The following PDE4D variants were observed in gnomAD, a reference collection of about 807,000 sequenced individuals.
PDE4D encodes the protein 3',5'-cyclic-AMP phosphodiesterase 4D.
In PDE4D, 24 loss-of-function variants were observed where a neutral mutation model predicts 87.4. The ratio of observed to expected loss-of-function variants is 0.27; its 90% CI spans 0.20 to 0.39. The LOEUF (loss-of-function observed/expected upper bound fraction) is 0.39. Among genes scored for constraint, PDE4D ranks in the 10% least tolerant of loss-of-function variants. The pLI is 1.00. For missense variants in PDE4D, 714 were observed against 1,041.0 expected, an observed-to-expected ratio of 0.69 and a Z score of 4.32; for synonymous variants, 384 against 383.2, an observed-to-expected ratio of 1.00 and a Z score of -0.02.
chr5:59,851,990 G>T (rs1262117777), intron 1 of PDE4D, among the ~76,000 whole-genome samples: 1 of 152,054 alleles, frequency 6.6e-6, no homozygotes, highest in Admixed American at 6.6e-5. Context: ...ATGTAAATGG[G>T]TGTTATCTTA....
chr5:59,614,711 G>C (rs887803994), intron 1 of PDE4D, among the ~76,000 whole-genome samples: 1 of 152,150 alleles, frequency 6.6e-6, no homozygotes, highest in Admixed American at 6.6e-5. Flanking sequence ...TTCCTTTAAT[G>C]GATGAAAAGT....
At chr5:60,406,019 T>C (rs761517914) in intron 1 of PDE4D, among the ~76,000 whole-genome samples, 1 of 121,092 alleles carries the variant, frequency 8.3e-6, no homozygotes, top group Non-Finnish European at 1.8e-5. Context: ...CATCTTGCAC[T>C]TTTTTTTTTC....
At chr5:60,049,367 A>T (rs897320118) in intron 2 of PDE4D, among the ~76,000 whole-genome samples, 1 of 152,200 alleles carries the variant, frequency 6.6e-6, no homozygotes, top group Non-Finnish European at 1.5e-5. Flanking sequence ...CTCTCAGCTC[A>T]TCAAAGTCAT....
At chr5:60,165,889 G>A (rs1203844091) in intron 2 of PDE4D, among the ~76,000 whole-genome samples, 2 of 151,750 alleles carry the variant, frequency 1.3e-5, no homozygotes, top group African/African-American at 4.8e-5. Context: ...TTATTTATGG[G>A]TAAGAACTTA....
chr5:59,917,476 A>G (rs1754194778), intron 3 of PDE4D, among the ~76,000 whole-genome samples: 1 of 152,238 alleles, frequency 6.6e-6, no homozygotes, highest in Admixed American at 6.5e-5. Flanking sequence ...TACAAGAGGT[A>G]GTGAAAGGCC....
chr5:59,532,620 T>A (rs1814446631), intron 1 of PDE4D, among the ~76,000 whole-genome samples: 1 of 152,246 alleles, frequency 6.6e-6, no homozygotes, highest in South Asian at 2.1e-4. Flanking sequence ...GATACTATAC[T>A]TTTTAAGTCG....
chr5:60,013,951 G>A (rs1327730405), intron 2 of PDE4D, among the ~76,000 whole-genome samples: 1 of 151,878 alleles, frequency 6.6e-6, no homozygotes, highest in African/African-American at 2.4e-5. Flanking sequence ...AAATTAGCTG[G>A]GCATGGTGGT....
At chr5:59,686,979 A>G (rs2150384955) in intron 1 of PDE4D, among the ~76,000 whole-genome samples, 1 of 152,294 alleles carries the variant, frequency 6.6e-6, no homozygotes, top group African/African-American at 2.4e-5. Flanking sequence ...CCCTTTGGTT[A>G]CTCATTTTGG....
At chr5:60,374,755 A>G (rs1409622601) in intron 1 of PDE4D, among the ~76,000 whole-genome samples, 1 of 152,192 alleles carries the variant, frequency 6.6e-6, no homozygotes, top group Non-Finnish European at 1.5e-5. Flanking sequence ...AATTAAATCC[A>G]ATCCTGAAAT....
intron 1 of PDE4D, among the ~76,000 whole-genome samples, chr5:59,263,789 G>T (rs1035354945): frequency 6.6e-6 from 1 of 151,828 alleles, no homozygotes; most frequent in African/African-American, 2.4e-5. Flanking sequence ...AAAAGTTTGT[G>T]ATTTTCAAAA....
chr5:59,954,201 G>T (rs970471636), intron 3 of PDE4D, among the ~76,000 whole-genome samples: 1 of 152,194 alleles, frequency 6.6e-6, no homozygotes, highest in African/African-American at 2.4e-5. Context: ...TGGGATTACA[G>T]GCATGAGCCA....
At chr5:60,510,415 A>C (rs1412231987) in intron 1 of PDE4D, among the ~76,000 whole-genome samples, 1 of 152,050 alleles carries the variant, frequency 6.6e-6, no homozygotes, top group African/African-American at 2.4e-5. Context: ...TGCTTTTAAC[A>C]CTCGAATTCA....
intron 1 of PDE4D, among the ~76,000 whole-genome samples, chr5:59,553,015 C>T (rs1818362117): frequency 6.6e-6 from 1 of 152,162 alleles, no homozygotes; most frequent in Non-Finnish European, 1.5e-5. Context: ...CTCAGAAAGT[C>T]TCTGTGCCTG....
At chr5:59,169,522 C>T (rs1032151056) in intron 5 of PDE4D, among the ~76,000 whole-genome samples, 21 of 152,186 alleles carry the variant, frequency 1.4e-4, no homozygotes, top group Admixed American at 2.6e-4. Context: ...CAGATGATGA[C>T]CCTGACGCTG....
At chr5:59,555,953 T>C (rs1420165716) in intron 1 of PDE4D, among the ~76,000 whole-genome samples, 4 of 152,128 alleles carry the variant, frequency 2.6e-5, no homozygotes, top group Non-Finnish European at 5.9e-5. Context: ...GTCACCTCAA[T>C]TTATTTGCTG....
At chr5:60,329,278 T>C (rs977724642) in intron 1 of PDE4D, among the ~76,000 whole-genome samples, 2 of 152,158 alleles carry the variant, frequency 1.3e-5, no homozygotes, top group African/African-American at 2.4e-5. Context: ...GTTCTTATAA[T>C]GGTGAGTGAG....
intron 1 of PDE4D, among the ~76,000 whole-genome samples, chr5:59,729,509 A>G (rs1195138778): frequency 6.6e-6 from 1 of 152,122 alleles, no homozygotes; most frequent in African/African-American, 2.4e-5. Context: ...CTGGCAAACT[A>G]AAAGTAGGCA....
intron 2 of PDE4D, among the ~76,000 whole-genome samples, chr5:60,049,968 G>T (rs992350854): frequency 2.0e-5 from 3 of 152,078 alleles, no homozygotes; most frequent in African/African-American, 7.2e-5. Context: ...CCCCAGCCTC[G>T]CTGCCACCTT....
rs79837063 is a variant in PDE4D at position 60,328,760 on chromosome 5, T to A, written c.-89-143073A>T. Reference sequence around the variant, plus strand: ...ATGGCAGAATATGTACCCCAGAATATGCCATTTTGGTATAAGGATTAGTTT... The same window carrying A: ...ATGGCAGAATATGTACCCCAGAATAAGCCATTTTGGTATAAGGATTAGTTT... On this transcript the variant is annotated intron_variant, in intron 1 of 16. Transcript: ENST00000502484. Among the ~76,000 whole-genome samples, 78 of 152,312 alleles carry A rather than the reference T, an allele frequency of 5.1e-4. 1 individual carries two copies. In the East Asian group the frequency reaches 0.015, roughly 29 times the overall value.
Sources: allele counts gnomAD v4.1 joint callset (sites outside exome capture counted in the v4.1 genomes callset), GRCh38; gene constraint gnomAD v4.1.1; transcripts MANE v1.5; gene names NCBI Gene and HGNC (gene_info 2026-07-23, HGNC 2026-07-21).